The following RRM2 variants were observed in gnomAD, a reference collection of about 807,000 sequenced individuals.
RRM2 encodes ribonucleoside-diphosphate reductase subunit M2.
RRM2 carries 6 observed loss-of-function variants against 45.9 expected under a neutral mutation model. The ratio of observed to expected loss-of-function variants is 0.13; its 90% CI spans 0.07 to 0.26. The LOEUF is 0.26. Among genes scored for constraint, RRM2 ranks in the 10% least tolerant of loss-of-function variants. The pLI is 1.00. For synonymous variants in RRM2, 177 were observed against 173.0 expected (o/e 1.02, Z -0.18); for missense variants, 343 against 489.5 (o/e 0.70, Z 2.82).
chr2:10,124,958 A>T, intron 5 of RRM2, 108 bp downstream of exon 5: 1 of 1,019,988 alleles, frequency 9.8e-7, no homozygotes, highest in South Asian at 1.6e-5. Context: ...TGACTAAGAC[A>T]GTCATAGGCA....
At chr2:10,125,018 C>T (rs1662750284) in intron 5 of RRM2, 168 bp downstream of exon 5, 2 of 551,310 alleles carry the variant, frequency 3.6e-6, no homozygotes, top group South Asian at 5.5e-5. Context: ...CCTAAATGCA[C>T]TTTATTATTC....
chr2:10,189,539 C>G (rs1371695604), intron 3 of RRM2, among the ~76,000 whole-genome samples: 1 of 152,238 alleles, frequency 6.6e-6, no homozygotes, highest in Non-Finnish European at 1.5e-5. Flanking sequence ...GGGTGGAAGC[C>G]TGAAAGCAGA....
chr2:10,193,723 C>T (rs1664357364), intron 3 of RRM2, among the ~76,000 whole-genome samples: 1 of 152,176 alleles, frequency 6.6e-6, no homozygotes, highest in South Asian at 2.1e-4. Context: ...GGCAGTTGCA[C>T]CATGGGCAGC....
intron 3 of RRM2, among the ~76,000 whole-genome samples, chr2:10,178,083 G>A (rs571639908): frequency 2.0e-4 from 30 of 151,882 alleles, no homozygotes; most frequent in South Asian, 1.2e-3. Flanking sequence ...CAACACGCCC[G>A]GCTAATTTTT....
chr2:10,183,796 A>G (rs1215232170), intron 3 of RRM2, among the ~76,000 whole-genome samples: 3 of 147,824 alleles, frequency 2.0e-5, no homozygotes, highest in South Asian at 2.1e-4. Flanking sequence ...CTCTGTTTCA[A>G]AAAAAAAAAA....
intron 3 of RRM2, among the ~76,000 whole-genome samples, chr2:10,163,942 T>C (rs1260238936): frequency 6.6e-6 from 1 of 152,174 alleles, no homozygotes; most frequent in Non-Finnish European, 1.5e-5. Context: ...GTTCTTCCTA[T>C]GGCATCAGGA....
At chr2:10,144,596 G>A (rs931508794) in intron 3 of RRM2, among the ~76,000 whole-genome samples, 1 of 152,168 alleles carries the variant, frequency 6.6e-6, no homozygotes, top group Non-Finnish European at 1.5e-5. Context: ...AAACTGTTCT[G>A]GTGTGTAGGT....
intron 3 of RRM2, among the ~76,000 whole-genome samples, chr2:10,150,280 T>C (rs1424784270): frequency 1.3e-5 from 2 of 152,092 alleles, no homozygotes; most frequent in Non-Finnish European, 2.9e-5. Context: ...ACCCCATCTC[T>C]ACTAAAAATA....
rs1005818884 is a variant in RRM2 at position 10,186,652 on chromosome 2, G to C, written n.483-23659G>C. Among the ~76,000 whole-genome samples the C allele has an allele frequency of 7.9e-5, 12 of 152,238 alleles. No individual in the cohort carries two copies. In the South Asian group the frequency reaches 2.5e-3, roughly 32 times the overall value. ...GTTCATCTGCTGAATGGGTCTCATAGTTGAGCAGTGGTCGAGAGATTTCCT... is the reference window on the plus strand; with the variant it reads ...GTTCATCTGCTGAATGGGTCTCATACTTGAGCAGTGGTCGAGAGATTTCCT... On this transcript the variant is annotated intron_variant and non_coding_transcript_variant, in intron 3 of 3. Coordinates refer to the RRM2 transcript ENST00000381786.
chr2:10,152,191 G>A (rs1026664686), intron 3 of RRM2, among the ~76,000 whole-genome samples: 7 of 152,050 alleles, frequency 4.6e-5, no homozygotes, highest in East Asian at 1.9e-4. Context: ...CTCGTGATCC[G>A]CCTGCCTCGG....
intron 3 of RRM2, among the ~76,000 whole-genome samples, chr2:10,202,287 C>T (rs1276848557): frequency 1.3e-5 from 2 of 152,176 alleles, no homozygotes; most frequent in Non-Finnish European, 2.9e-5. Context: ...TCTACCAAAA[C>T]TATATTTTAC....
chr2:10,199,800 A>AAC lies in RRM2; in HGVS notation n.483-10510_483-10509insCA, dbSNP rs1558406239. ...GTCTCAAAAAAAAAAAAAAAAAAAA[A>AAC]AAAAAAAAACAAATCATGGTATGAC... is the stretch of plus-strand genomic sequence containing the variant. On this transcript the variant is annotated intron_variant and non_coding_transcript_variant, in intron 3 of 3. Coordinates refer to the RRM2 transcript ENST00000381786. Among the ~76,000 whole-genome samples, 48 of 97,888 alleles carry AAC rather than the reference A, an allele frequency of 4.9e-4. 3 individuals carry two copies. Among genetic ancestry groups the AAC allele is most frequent in the Middle Eastern group, 4.9e-3 (1 of 206 alleles). The allele number at this position is 97,888 out of a possible 152,430, so 64.2% of individuals were successfully genotyped here.
intron 6 of RRM2, 23 bp downstream of exon 6, chr2:10,126,992 T>TCAGGAAAA (rs1662793402): frequency 6.2e-7 from 1 of 1,612,724 alleles, no homozygotes; most frequent in Admixed American, 1.7e-5. Context: ...TTGCCCCTAC[T>TCAGGAAAA]TAAACCTGAG....
chr2:10,174,366 G>C (rs1663869145), intron 3 of RRM2, among the ~76,000 whole-genome samples: 1 of 152,180 alleles, frequency 6.6e-6, no homozygotes, highest in Non-Finnish European at 1.5e-5. Flanking sequence ...GTCAGCAGAG[G>C]GGAATGGCCA....
At position 10,185,675 on chromosome 2, in the gene RRM2, C is replaced by A. The variant is rs954343841; in HGVS notation, n.483-24636C>A. On this transcript the variant is annotated intron_variant and non_coding_transcript_variant, in intron 3 of 3. Transcript: ENST00000381786. The surrounding 1 kb of genome is among the most constrained non-coding windows in gnomAD (Gnocchi z 4.3). ...TATTCTTGAGGATGAGAAATTCTTA[C>A]AAATGTATATTTTTTGTGCCCCTGT... Among the ~76,000 whole-genome samples, 3 of 152,192 alleles carry A rather than the reference C, an allele frequency of 2.0e-5. No individual in the cohort carries two copies. The highest frequency in any genetic ancestry group is 4.4e-5 in the Non-Finnish European group (3 of 68,030).
intron 3 of RRM2, among the ~76,000 whole-genome samples, chr2:10,153,067 C>T (rs1663349729): frequency 6.6e-6 from 1 of 152,084 alleles, no homozygotes; most frequent in Admixed American, 6.5e-5. Flanking sequence ...TGTGGTGGCT[C>T]ATGCCTGTAA....
chr2:10,124,108 CTTT>C (rs35723300), intron 4 of RRM2: 5,086 of 248,694 alleles, frequency 0.02, no homozygotes, highest in Middle Eastern at 0.035. Flanking sequence ...TCTGCCCCCT[CTTT>C]TTTTTTTTTT....
chr2:10,191,543 G>A (rs1664307120), intron 3 of RRM2, among the ~76,000 whole-genome samples: 3 of 152,166 alleles, frequency 2.0e-5, no homozygotes, highest in African/African-American at 7.2e-5. Context: ...TCAGCTGGGT[G>A]CACAGGCAGA....
chr2:10,199,590 G>A (rs1450208526), intron 3 of RRM2, among the ~76,000 whole-genome samples: 1 of 151,668 alleles, frequency 6.6e-6, no homozygotes, highest in Non-Finnish European at 1.5e-5. Context: ...GACCATCCTG[G>A]CTAACACAGT....
Sources: allele counts gnomAD v4.1 joint callset (sites outside exome capture counted in the v4.1 genomes callset), GRCh38; gene constraint gnomAD v4.1.1; non-coding constraint Gnocchi (gnomAD v3.1); transcripts MANE v1.5; gene names NCBI Gene and HGNC (gene_info 2026-07-23, HGNC 2026-07-21).